EPHA7: variants seen among roughly 807,000 people sequenced by gnomAD.
EPHA7 encodes EPH receptor A7, also known as ephrin type-A receptor 7.
In EPHA7, 25 loss-of-function variants were observed where a neutral mutation model predicts 112.6. The ratio of observed to expected loss-of-function variants is 0.22; its 90% CI spans 0.16 to 0.31. EPHA7 has a LOEUF of 0.31. EPHA7 is among the 10% of genes least tolerant of loss of function. The pLI is 1.00. For synonymous variants in EPHA7, 437 were observed against 406.5 expected (o/e 1.07, Z -0.90); for missense variants, 962 against 1,212.6 (o/e 0.79, Z 3.07).
chr6:93,404,034 G>A (rs1778565042), intron 3 of EPHA7, among the ~76,000 whole-genome samples: 1 of 152,084 alleles, frequency 6.6e-6, no homozygotes, highest in South Asian at 2.1e-4. Context: ...TCAGGCAGAG[G>A]GAGCAGGGGC....
chr6:93,256,309 A>G (rs575311769), intron 12 of EPHA7, among the ~76,000 whole-genome samples: 1 of 152,270 alleles, frequency 6.6e-6, no homozygotes, highest in African/African-American at 2.4e-5. Context: ...CCAAAAGTAT[A>G]TGCTAATTTT....
At chr6:93,346,796 C>T (rs542503500) in intron 5 of EPHA7, among the ~76,000 whole-genome samples, 1 of 151,714 alleles carries the variant, frequency 6.6e-6, no homozygotes, top group East Asian at 1.9e-4. Context: ...GAACAAACTT[C>T]TTTACTCTAA....
rs373761211 is a variant in EPHA7, at chr6:93,258,182, C to G, written c.2027G>C (p.Arg676Thr). 1 of 1,613,326 alleles carries G rather than the reference C, an allele frequency of 6.2e-7. No individual in the cohort carries two copies. The highest frequency in any genetic ancestry group is 8.5e-7 in the Non-Finnish European group (1 of 1,179,644). ...GCTTGCTTCACACAAAAAGTCTCTC[C>G]TTTGTTTTTCTGTGTAACCAACTTT... ...TLKVGYTEKQ[R>T]RDFLCEASIM... is the part of the protein sequence containing the mutation. The change falls in exon 11 of 17, where the codon AGG becomes ACG. Residue 676 changes from arginine (R) to threonine (T), a missense_variant. By Grantham distance (71) the Arg-to-Thr change is moderately conservative (BLOSUM62 -1). This residue lies in a region of EPHA7 where 746 missense variants were observed against 889.2 expected (regional missense o/e 0.84). Coordinates refer to ENST00000369303, the MANE Select transcript of EPHA7 (RefSeq NM_004440.4).
chr6:93,255,506 T>C lies in EPHA7; in HGVS notation c.2382+322A>G, dbSNP rs572685155. ...AGGATTAGCATAGTTAATATTCCTTTAAATCTTTATTTAAAATGTGATTAC... is the reference window on the plus strand; with the variant it reads ...AGGATTAGCATAGTTAATATTCCTTCAAATCTTTATTTAAAATGTGATTAC... On this transcript the variant is annotated intron_variant, in intron 13 of 16. Coordinates refer to ENST00000369303, the MANE Select transcript of EPHA7 (RefSeq NM_004440.4). Among the ~76,000 whole-genome samples the C allele has an allele frequency of 2.4e-4, 37 of 152,338 alleles. No individual in the cohort carries two copies. The South Asian group carries it at 7.5e-3, about 31-fold the overall frequency.
intron 3 of EPHA7, among the ~76,000 whole-genome samples, chr6:93,397,828 T>TA (rs1778255038): frequency 6.6e-6 from 1 of 151,936 alleles, no homozygotes; most frequent in Non-Finnish European, 1.5e-5. Flanking sequence ...AAGTGGTTTT[T>TA]AAAAAAGGAA....
chr6:93,311,090 C>T (rs926524170), intron 5 of EPHA7, among the ~76,000 whole-genome samples: 19 of 145,048 alleles, frequency 1.3e-4, no homozygotes, highest in Admixed American at 1.2e-3. Flanking sequence ...GTTGGGACTA[C>T]AGGCATGTGC....
At chr6:93,330,219 G>A (rs528412295) in intron 5 of EPHA7, among the ~76,000 whole-genome samples, 1 of 151,386 alleles carries the variant, frequency 6.6e-6, no homozygotes, top group Middle Eastern at 3.4e-3. Flanking sequence ...TATAAGTATA[G>A]AATGTGTAAT....
chr6:93,316,280 A>G (rs567004943), intron 5 of EPHA7, among the ~76,000 whole-genome samples: 1 of 152,294 alleles, frequency 6.6e-6, no homozygotes, highest in East Asian at 1.9e-4. Context: ...AATAATTGCA[A>G]TAACACCCCC....
intron 5 of EPHA7, among the ~76,000 whole-genome samples, chr6:93,311,103 C>T (rs1773511285): frequency 7.8e-6 from 1 of 128,112 alleles, no homozygotes; most frequent in South Asian, 2.3e-4. Context: ...GCATGTGCAT[C>T]ATGCCCAGCT....
At chr6:93,336,714 T>C (rs1186301386) in intron 5 of EPHA7, among the ~76,000 whole-genome samples, 1 of 152,054 alleles carries the variant, frequency 6.6e-6, no homozygotes, top group Non-Finnish European at 1.5e-5. Context: ...TTTACCCTTT[T>C]AAGAACAGAA....
intron 3 of EPHA7, among the ~76,000 whole-genome samples, chr6:93,399,847 T>C (rs914775927): frequency 1.3e-5 from 2 of 152,056 alleles, no homozygotes; most frequent in Admixed American, 1.3e-4. Flanking sequence ...CTGTTGGAAG[T>C]ATAAATGAGG....
At chr6:93,276,634 T>C (rs183613181) in intron 5 of EPHA7, among the ~76,000 whole-genome samples, 1 of 151,952 alleles carries the variant, frequency 6.6e-6, no homozygotes, top group Non-Finnish European at 1.5e-5. Flanking sequence ...TGAATACATG[T>C]AGTAAAAAAA....
chr6:93,255,316 C>T (rs1157056774), intron 13 of EPHA7, among the ~76,000 whole-genome samples: 4 of 151,372 alleles, frequency 2.6e-5, no homozygotes, highest in African/African-American at 9.7e-5. Flanking sequence ...CCATTGCACT[C>T]CAGCCTGGAC....
rs558429473 is a variant in EPHA7 at position 93,241,011 on chromosome 6, T to C, written c.*2415A>G. 4.7e-6 allele frequency: 1 copy of C among 212,818 alleles called. No individual in the cohort carries two copies. Among genetic ancestry groups the C allele is most frequent in the South Asian group, 1.9e-4 (1 of 5,356 alleles). 13.2% of individuals were successfully genotyped at this position (212,818 alleles called of 1,614,324 possible). ...TTTCCCTGTAAAGAGCTGTAAAAAA[T>C]TTAAGGCAGATGAGGTATATTGCTG... On this transcript the variant is annotated 3_prime_UTR_variant, in exon 17 of 17. Coordinates refer to ENST00000369303, the MANE Select transcript of EPHA7 (RefSeq NM_004440.4).
intron 5 of EPHA7, among the ~76,000 whole-genome samples, chr6:93,352,450 A>G (rs1419494887): frequency 2.0e-5 from 3 of 152,120 alleles, no homozygotes; most frequent in Non-Finnish European, 4.4e-5. Flanking sequence ...TACATCTAGC[A>G]AAATCACATC....
At position 93,254,708 on chromosome 6, in the gene EPHA7, A is replaced by G; in HGVS notation, c.2471T>C (p.Ile824Thr). 1 of 1,613,766 alleles carries G rather than the reference A, an allele frequency of 6.2e-7. No individual in the cohort carries two copies. Among genetic ancestry groups the G allele is most frequent in the Non-Finnish European group, 8.5e-7 (1 of 1,179,752 alleles). Residue 824 changes from isoleucine (I) to threonine (T), a missense_variant, in exon 14 of 17, where the codon ATA becomes ACA. Ile to Thr is a moderately conservative substitution (Grantham distance 89). Around this residue, in one of 3 missense-constraint regions of EPHA7, gnomAD observed 746 missense variants for 889.2 expected, o/e 0.84. Transcript: ENST00000369303. ...TSASDVWSYG[I>T]VMWEVMSYGE... is the part of the protein sequence containing the mutation. ...ATAAGACATAACTTCCCACATGACT[A>G]TTCCATAGCTCCATACATCACTGGC... is the stretch of plus-strand genomic sequence containing the variant.
intron 3 of EPHA7, among the ~76,000 whole-genome samples, chr6:93,384,138 T>G (rs1777484274): frequency 6.6e-6 from 1 of 152,160 alleles, no homozygotes; most frequent in Admixed American, 6.5e-5. Context: ...TTAAAAAGAA[T>G]AGTTAAAAAA....
chr6:93,357,929 G>C (rs1276262893), intron 4 of EPHA7, among the ~76,000 whole-genome samples: 1 of 151,876 alleles, frequency 6.6e-6, no homozygotes, highest in Admixed American at 6.6e-5. Context: ...CAAAGTGCTG[G>C]GATTACAGGC....
In EPHA7 at chr6:93,243,408, A is replaced by T. The variant is rs1769768036; in HGVS notation, c.*18T>A. On this transcript the variant is annotated 3_prime_UTR_variant, in exon 17 of 17. Coordinates refer to ENST00000369303, the MANE Select transcript of EPHA7 (RefSeq NM_004440.4). ...TCTCTTGCAGTCTGTAATCTCCCTT[A>T]AAAGGGAGAAATGCATATCACACTT... 2 of 1,554,554 alleles carry T rather than the reference A, an allele frequency of 1.3e-6. No individual in the cohort carries two copies. The highest frequency in any genetic ancestry group is 1.8e-6 in the Non-Finnish European group (2 of 1,126,478).
Sources: allele counts gnomAD v4.1 joint callset (sites outside exome capture counted in the v4.1 genomes callset), GRCh38; gene constraint gnomAD v4.1.1; regional missense constraint gnomAD v4.1.1; transcripts MANE v1.5; gene names NCBI Gene and HGNC (gene_info 2026-07-23, HGNC 2026-07-21).